MAP7D1: variants seen among roughly 807,000 people sequenced by gnomAD.
The protein encoded by MAP7D1 is MAP7 domain-containing protein 1.
MAP7D1 carries 30 observed loss-of-function variants against 97.5 expected under a neutral mutation model. The observed-to-expected ratio is 0.31, with a 90% CI of 0.23 to 0.42. MAP7D1 has a LOEUF of 0.42. Ranked by LOEUF, MAP7D1 falls within the 10% of genes least tolerant of loss-of-function variation. The pLI is 1.00. For synonymous variants in MAP7D1, 536 were observed against 477.1 expected (o/e 1.12, Z -1.61); for missense variants, 1,184 against 1,179.5 (o/e 1.00, Z -0.06).
chr1:36,161,674 G>A (rs1015093805), intron 1 of MAP7D1, among the ~76,000 whole-genome samples: 4 of 152,208 alleles, frequency 2.6e-5, no homozygotes, highest in African/African-American at 9.7e-5. Flanking sequence ...AATTTGCTCA[G>A]AAGGAGCAGA....
In MAP7D1 at chr1:36,179,256, A is replaced by G; in HGVS notation, c.2131-6A>G. On this transcript the variant is annotated splice_region_variant and splice_polypyrimidine_tract_variant and intron_variant, in intron 12 of 16. Coordinates refer to ENST00000474796, the MANE Select transcript of MAP7D1 (RefSeq NM_001388490.1). Reference sequence around the variant, plus strand: ...CGAGCCTAACTGATCTGCGGCCTCCAAACAGCGTCTGGAGGAGATCATGAA... The same window carrying G: ...CGAGCCTAACTGATCTGCGGCCTCCGAACAGCGTCTGGAGGAGATCATGAA... 6.2e-7 allele frequency: 1 copy of G among 1,613,892 alleles called. No homozygotes were observed. Among genetic ancestry groups the G allele is most frequent in the Non-Finnish European group, 8.5e-7 (1 of 1,179,910 alleles).
chr1:36,159,486 G>C lies in MAP7D1; in HGVS notation c.46+3023G>C, dbSNP rs1644379950. On this transcript the variant is annotated intron_variant, in intron 1 of 16. Coordinates refer to ENST00000474796, the MANE Select transcript of MAP7D1 (RefSeq NM_001388490.1). This position sits in a 1 kb window ranked among gnomAD's most constrained non-coding sequence, Gnocchi z 5.4. ...GAGTTCTAGGCAGACATGAGCTAGG[G>C]TGTATCCAGGGAACGGAGGGGCCCC... Among the ~76,000 whole-genome samples, 2 of 152,228 alleles carry C rather than the reference G, an allele frequency of 1.3e-5. No homozygotes were observed. Among genetic ancestry groups the C allele is most frequent in the Admixed American group, 1.3e-4 (2 of 15,278 alleles).
chr1:36,161,862 CATGTGTGTGTGTGT>C (rs1644413613), intron 1 of MAP7D1, among the ~76,000 whole-genome samples: 5 of 133,758 alleles, frequency 3.7e-5, no homozygotes, highest in African/African-American at 1.2e-4. Flanking sequence ...GTTTCCTCTG[CATGTGTGTGTGTGT>C]ATGTGTGTGT....
chr1:36,161,587 T>C (rs564802440), intron 1 of MAP7D1, among the ~76,000 whole-genome samples: 17 of 152,350 alleles, frequency 1.1e-4, no homozygotes, highest in African/African-American at 4.1e-4. Flanking sequence ...CTAATGAGTT[T>C]AATGTGTTTA....
chr1:36,171,477 C>A (rs752246955), intron 2 of MAP7D1, 36 bp from the exon 3 acceptor site: 1 of 1,610,912 alleles, frequency 6.2e-7, no homozygotes, highest in Admixed American at 1.7e-5. Flanking sequence ...TTGGGGACAG[C>A]CTTTTGACCT....
intron 9 of MAP7D1, 27 bp downstream of exon 9, chr1:36,178,228 G>T: frequency 6.6e-7 from 1 of 1,516,560 alleles, no homozygotes; most frequent in Non-Finnish European, 8.8e-7. Context: ...GGGAGGGGTG[G>T]GCCGAGCGAG....
chr1:36,156,462 A>T lies in MAP7D1; in HGVS notation c.45A>T (p.Pro15=). 6.8e-7 allele frequency: 1 copy of T among 1,463,694 alleles called. No individual in the cohort carries two copies. Among genetic ancestry groups the T allele is most frequent in the Non-Finnish European group, 9.0e-7 (1 of 1,115,232 alleles). The allele number at this position is 1,463,694 out of a possible 1,614,324, so 90.7% of individuals were successfully genotyped here. A position where few individuals can be genotyped will look rare whatever the true frequency, so the allele number is the denominator to read the frequency against. The part of the protein sequence containing the change: ...PRAELGAGAP[P]AVVARTPPEP... The stretch of plus-strand genomic sequence containing the variant: ...CGGAGCTGGGGGCGGGCGCACCCCC[A>T]GGTATGCCGGGAGCCACGCGGAGGC... The change falls in exon 1 of 17, where the codon CCA becomes CCT. Residue 15 remains proline, a splice_region_variant and synonymous_variant. Transcript: ENST00000474796.
intron 1 of MAP7D1, among the ~76,000 whole-genome samples, chr1:36,166,517 G>T (rs779245409): frequency 2.0e-5 from 3 of 151,462 alleles, no homozygotes; most frequent in Non-Finnish European, 2.9e-5. Context: ...AGCCTCCTGT[G>T]TACCTGGGAC....
chr1:36,171,108 AAGC>A lies in MAP7D1; in HGVS notation c.188_190del (p.Gln63del). 1 of 1,610,600 alleles carries A rather than the reference AAGC, an allele frequency of 6.2e-7. No homozygotes were observed. Among genetic ancestry groups the A allele is most frequent in the African/African-American group, 1.4e-5 (1 of 74,066 alleles). Reference sequence around the variant, plus strand: ...TGCCATGAAGAATGCCACTAGCTCTAAGCAGCTCCCACTGGAACCAGAGAGCCC... The same window carrying A: ...TGCCATGAAGAATGCCACTAGCTCTAAGCTCCCACTGGAACCAGAGAGCCC... On this transcript the variant is annotated inframe_deletion, in exon 2 of 17. Coordinates refer to ENST00000474796, the MANE Select transcript of MAP7D1 (RefSeq NM_001388490.1).
At position 36,172,647 on chromosome 1, in the gene MAP7D1, G is replaced by A; in HGVS notation, c.624+20G>A. The A allele has an allele frequency of 1.9e-6, 3 of 1,547,648 alleles. No homozygotes were observed. The highest frequency in any genetic ancestry group is 2.4e-5 in the South Asian group (2 of 84,838). On this transcript the variant is annotated intron_variant, in intron 4 of 16. Transcript: ENST00000474796. ...AACAAGGTGCGGGATGGGTCTCCGT[G>A]AATCCATGTACACGTGTGCTCACCG...
Position 36,177,979 on chromosome 1 carries a change from T to TC in MAP7D1, c.1492dup (p.Arg498ProfsTer38). The TC allele has an allele frequency of 6.2e-7, 1 of 1,606,724 alleles. No individual in the cohort carries two copies. On this transcript the variant is annotated frameshift_variant, in exon 9 of 17. Transcript: ENST00000474796. LOFTEE classifies it high-confidence loss of function. ...CCACACTCTGCCTCCAAAGCCACCG[T>TC]CCCCCCGAGGCACCACTGCATCCCC... is the stretch of plus-strand genomic sequence containing the variant.
intron 13 of MAP7D1, 58 bp from the exon 14 acceptor site, chr1:36,179,457 C>T: frequency 6.3e-7 from 1 of 1,578,450 alleles, no homozygotes; most frequent in South Asian, 1.2e-5. Flanking sequence ...CGAACTCAGT[C>T]CGAAGTGGCT....
intron 1 of MAP7D1, among the ~76,000 whole-genome samples, chr1:36,169,372 C>G (rs1165931262): frequency 2.0e-5 from 3 of 151,234 alleles, no homozygotes; most frequent in Non-Finnish European, 4.4e-5. Flanking sequence ...CTGGCTAACA[C>G]CGTGAAACCC....
intron 1 of MAP7D1, among the ~76,000 whole-genome samples, chr1:36,169,980 A>T (rs563522634): frequency 6.6e-6 from 1 of 152,308 alleles, no homozygotes; most frequent in Admixed American, 6.5e-5. Context: ...ATAAAAATTT[A>T]AAAAAAGAGA....
intron 8 of MAP7D1, among the ~76,000 whole-genome samples, chr1:36,177,274 CGTTTTT>C (rs571692389): frequency 5.3e-5 from 8 of 150,982 alleles, no homozygotes; most frequent in Admixed American, 2.0e-4. Flanking sequence ...TCTTTTTGTT[CGTTTTT>C]GTTTTTGTTT....
intron 9 of MAP7D1, 73 bp downstream of exon 9, chr1:36,178,274 C>G: frequency 6.8e-7 from 1 of 1,479,746 alleles, no homozygotes; most frequent in Non-Finnish European, 9.0e-7. Context: ...GTGTGGGCCG[C>G]CAGAGATGCC....
chr1:36,178,740 G>C lies in MAP7D1; in HGVS notation c.1942G>C (p.Ala648Pro). The C allele has an allele frequency of 1.9e-6, 3 of 1,544,268 alleles. No individual in the cohort carries two copies. The highest frequency in any genetic ancestry group is 2.6e-6 in the Non-Finnish European group (3 of 1,144,850). Residue 648 changes from alanine to proline, a missense_variant, in exon 11 of 17, where the codon GCG becomes CCG. Transcript: ENST00000474796. ...REAEARAERE[A>P]EARRREEQEA... is the part of the protein sequence containing the mutation. Reference sequence around the variant, plus strand: ...GGCCGAGGCCCGGGCGGAGCGGGAGGCGGAGGCCCGGAGGCGGGAGGAGCA... The same window carrying C: ...GGCCGAGGCCCGGGCGGAGCGGGAGCCGGAGGCCCGGAGGCGGGAGGAGCA...
At chr1:36,179,383 G>T (rs1644682836) in intron 13 of MAP7D1, 68 bp downstream of exon 13, 2 of 1,596,532 alleles carry the variant, frequency 1.3e-6, no homozygotes, top group Non-Finnish European at 1.7e-6. Flanking sequence ...CTGCGGAAAG[G>T]CATCCATGGC....
intron 16 of MAP7D1, 63 bp from the exon 17 acceptor site, chr1:36,180,185 C>T (rs954555502): frequency 3.0e-5 from 49 of 1,611,814 alleles, no homozygotes; most frequent in African/African-American, 2.7e-5. Flanking sequence ...ACCCTGAAGA[C>T]CCCCAGCTAT....
Sources: gnomAD v4.1 joint callset for allele counts (sites outside exome capture counted in the v4.1 genomes callset) on GRCh38, gnomAD v4.1.1 for gene constraint, Gnocchi (gnomAD v3.1) non-coding constraint, MANE v1.5 for transcripts, NCBI Gene and HGNC (gene_info 2026-07-23, HGNC 2026-07-21) for gene names.